The following EYS variants were observed in gnomAD, a reference collection of about 807,000 sequenced individuals.
EYS encodes EGF-like photoreceptor maintenance factor, also known as protein eyes shut homolog.
A neutral mutation model predicts 282.1 loss-of-function variants in EYS; 250 were observed. That is an observed-to-expected ratio of 0.89 (90% CI 0.80 to 0.98). The LOEUF is 0.98. Among genes scored for constraint, EYS ranks in the 50% least tolerant of loss-of-function variants. The pLI, the probability that EYS is intolerant of heterozygous loss-of-function variation, is 0.00. For synonymous variants in EYS, 1,355 were observed against 1,282.9 expected (o/e 1.06, Z -1.20); for missense variants, 4,016 against 3,709.0 (o/e 1.08, Z -2.15).
At chr6:63,954,131 C>T (rs575730387) in intron 35 of EYS, among the ~76,000 whole-genome samples, 40 of 152,286 alleles carry the variant, frequency 2.6e-4, no homozygotes, top group East Asian at 7.7e-4. Flanking sequence ...ATTCTGGATA[C>T]GACAACTGAC....
intron 22 of EYS, among the ~76,000 whole-genome samples, chr6:64,634,817 T>C (rs1021106411): frequency 7.2e-5 from 11 of 152,190 alleles, no homozygotes; most frequent in Non-Finnish European, 1.5e-4. Flanking sequence ...TTTAAGAACA[T>C]TCAATATAAA....
At chr6:64,829,660 G>A (rs567662575) in intron 19 of EYS, among the ~76,000 whole-genome samples, 1 of 151,966 alleles carries the variant, frequency 6.6e-6, no homozygotes, top group African/African-American at 2.4e-5. Context: ...TGAGGTGCCA[G>A]TTCGGAGATG....
chr6:64,295,950 G>A (rs947646088), intron 30 of EYS, among the ~76,000 whole-genome samples: 9 of 152,104 alleles, frequency 5.9e-5, no homozygotes, highest in Non-Finnish European at 8.8e-5. Context: ...GATATATGTT[G>A]ACATTTGGTA....
At chr6:65,585,913 G>T (rs1161132983) in intron 2 of EYS, among the ~76,000 whole-genome samples, 3 of 151,900 alleles carry the variant, frequency 2.0e-5, no homozygotes, top group East Asian at 3.9e-4. Flanking sequence ...TTATTATTAG[G>T]TTGTTGCAAA....
chr6:64,191,729 T>C (rs1022992267), intron 31 of EYS, among the ~76,000 whole-genome samples: 5 of 152,108 alleles, frequency 3.3e-5, no homozygotes, highest in African/African-American at 9.6e-5. Flanking sequence ...AGTCTATCAT[T>C]GTTGGACATT....
intron 26 of EYS, among the ~76,000 whole-genome samples, chr6:64,499,840 T>A (rs964138044): frequency 2.6e-5 from 4 of 152,144 alleles, no homozygotes; most frequent in Non-Finnish European, 5.9e-5. Context: ...AATGTGCTAT[T>A]TCTTATAGTT....
At chr6:65,535,436 C>T (rs1313699642) in intron 2 of EYS, among the ~76,000 whole-genome samples, 5 of 152,076 alleles carry the variant, frequency 3.3e-5, no homozygotes, top group African/African-American at 1.2e-4. Flanking sequence ...AGTTCCCCTG[C>T]ACAAGCCCTC....
chr6:63,881,496 C>A (rs1246131215), intron 35 of EYS, among the ~76,000 whole-genome samples: 1 of 152,102 alleles, frequency 6.6e-6, no homozygotes, highest in African/African-American at 2.4e-5. Flanking sequence ...TAAAAATATA[C>A]TTTGGTAACT....
intron 29 of EYS, among the ~76,000 whole-genome samples, chr6:64,330,742 T>C (rs993806613): frequency 1.2e-4 from 18 of 152,302 alleles, no homozygotes; most frequent in African/African-American, 4.3e-4. Context: ...GTCATCACCC[T>C]GTTGGAGCAG....
At chr6:64,413,693 T>G (rs1346619170) in intron 28 of EYS, among the ~76,000 whole-genome samples, 16 of 152,142 alleles carry the variant, frequency 1.1e-4, no homozygotes, top group Admixed American at 1.0e-3. Flanking sequence ...GGGACTAAGA[T>G]ACTAGTACTG....
intron 1 of EYS, among the ~76,000 whole-genome samples, chr6:65,674,631 A>G (rs1768513034): frequency 6.6e-6 from 1 of 152,016 alleles, no homozygotes; most frequent in South Asian, 2.1e-4. Context: ...ACTATATGGA[A>G]CAAATCTGTC....
At chr6:64,890,230 C>T (rs1382248089) in intron 18 of EYS, among the ~76,000 whole-genome samples, 1 of 152,050 alleles carries the variant, frequency 6.6e-6, no homozygotes, top group African/African-American at 2.4e-5. Flanking sequence ...CAATGGTGCC[C>T]AAAACTTCAT....
chr6:63,944,228 T>C (rs1348266916), intron 35 of EYS, among the ~76,000 whole-genome samples: 2 of 152,176 alleles, frequency 1.3e-5, no homozygotes, highest in Admixed American at 1.3e-4. Flanking sequence ...GGAAACAATT[T>C]ACAGCAAAAT....
intron 30 of EYS, among the ~76,000 whole-genome samples, chr6:64,252,781 T>C (rs1767264514): frequency 6.6e-6 from 1 of 152,178 alleles, no homozygotes; most frequent in Non-Finnish European, 1.5e-5. Flanking sequence ...GTTAGACAAG[T>C]CGTATATATT....
intron 2 of EYS, among the ~76,000 whole-genome samples, chr6:65,523,517 G>A (rs368880326): frequency 6.6e-6 from 1 of 152,116 alleles, no homozygotes; most frequent in Non-Finnish European, 1.5e-5. Flanking sequence ...TTGTTATGAA[G>A]AATGAGGAGG....
chr6:63,998,952 G>A (rs1767957736), intron 34 of EYS, 123 bp downstream of exon 34: 1 of 619,494 alleles, frequency 1.6e-6, no homozygotes, highest in South Asian at 2.1e-5. Flanking sequence ...GTGCTTTGTT[G>A]AGAGTTTTTA....
At chr6:65,623,039 T>C (rs1003712982) in intron 2 of EYS, among the ~76,000 whole-genome samples, 4 of 152,190 alleles carry the variant, frequency 2.6e-5, no homozygotes, top group Non-Finnish European at 5.9e-5. Flanking sequence ...ATTGTAGGCC[T>C]GGGCCTCCAA....
intron 2 of EYS, among the ~76,000 whole-genome samples, chr6:65,530,674 C>A (rs1356553542): frequency 6.6e-6 from 1 of 152,030 alleles, no homozygotes; most frequent in Non-Finnish European, 1.5e-5. Context: ...TTGACAAAAT[C>A]ATTTAGTTAA....
At chr6:65,587,934 A>T (rs918992223) in intron 2 of EYS, among the ~76,000 whole-genome samples, 1 of 152,092 alleles carries the variant, frequency 6.6e-6, no homozygotes, top group Non-Finnish European at 1.5e-5. Flanking sequence ...AAAGTTAAAG[A>T]TGGCAGAGTA....
Sources: allele counts gnomAD v4.1 joint callset (sites outside exome capture counted in the v4.1 genomes callset), GRCh38; gene constraint gnomAD v4.1.1; transcripts MANE v1.5; gene names NCBI Gene and HGNC (gene_info 2026-07-23, HGNC 2026-07-21).